The following RICTOR variants were observed in gnomAD, a reference collection of about 807,000 sequenced individuals.
RICTOR encodes the protein rapamycin-insensitive companion of mTOR.
A neutral mutation model predicts 214.9 loss-of-function variants in RICTOR; 49 were observed. The observed-to-expected ratio is 0.23, with a 90% CI of 0.18 to 0.29. The LOEUF is 0.29. Among genes scored for constraint, RICTOR ranks in the 10% least tolerant of loss-of-function variants. RICTOR has a pLI of 1.00. For synonymous variants in RICTOR, 717 were observed against 711.3 expected (o/e 1.01, Z -0.13); for missense variants, 1,625 against 2,047.0 (o/e 0.79, Z 3.98).
chr5:39,047,500 G>C (rs752848169), intron 2 of RICTOR, among the ~76,000 whole-genome samples: 10 of 152,284 alleles, frequency 6.6e-5, no homozygotes, highest in Middle Eastern at 3.4e-3. Flanking sequence ...GCACAGCCAG[G>C]GGTTTGGGGA....
chr5:38,968,330 C>T (rs1750406797), intron 11 of RICTOR, among the ~76,000 whole-genome samples: 1 of 151,930 alleles, frequency 6.6e-6, no homozygotes, highest in South Asian at 2.1e-4. Context: ...ACTGCACTGC[C>T]AGTTGTTTAA....
intron 1 of RICTOR, 31 bp downstream of exon 1, chr5:39,074,298 C>A (rs375259913): frequency 1.7e-4 from 255 of 1,534,834 alleles, no homozygotes; most frequent in Non-Finnish European, 2.1e-4. Flanking sequence ...GGGCGCCGGG[C>A]GGTGGGGAGT....
intron 36 of RICTOR, 79 bp from the exon 37 acceptor site, chr5:38,943,050 A>G (rs1032169440): frequency 9.7e-7 from 1 of 1,032,336 alleles, no homozygotes; most frequent in African/African-American, 1.6e-5. Context: ...ACTTACTTTA[A>G]AAATAGATTT....
intron 11 of RICTOR, 98 bp from the exon 12 acceptor site, chr5:38,968,128 C>G: frequency 1.4e-6 from 1 of 696,058 alleles, no homozygotes; most frequent in African/African-American, 1.8e-5. Context: ...AAAAACAGAA[C>G]TATTAATACA....
At chr5:39,066,543 C>T (rs1244085798) in intron 2 of RICTOR, among the ~76,000 whole-genome samples, 1 of 152,222 alleles carries the variant, frequency 6.6e-6, no homozygotes, top group Non-Finnish European at 1.5e-5. Context: ...GAATTCCTCC[C>T]CTGAAAAAGC....
At chr5:39,051,879 T>A (rs1247005127) in intron 2 of RICTOR, among the ~76,000 whole-genome samples, 2 of 152,246 alleles carry the variant, frequency 1.3e-5, no homozygotes, top group Non-Finnish European at 2.9e-5. Context: ...AGCTTAAAAT[T>A]AATACATAGT....
At chr5:38,966,570 T>C in intron 15 of RICTOR, 71 bp downstream of exon 15, 2 of 786,244 alleles carry the variant, frequency 2.5e-6, no homozygotes, top group East Asian at 2.6e-5. Flanking sequence ...AGCAACACTA[T>C]TAAAATAACT....
intron 7 of RICTOR, among the ~76,000 whole-genome samples, chr5:38,986,459 GAATTTAGACAATTCCTATACTAAATTT>G (rs1752179807): frequency 6.6e-6 from 1 of 152,074 alleles, no homozygotes; most frequent in Non-Finnish European, 1.5e-5. Context: ...AATATTACTG[GAATTTAGACAATTCCTATACTAAATTT>G]AATGATGAAG....
chr5:38,972,407 G>C (rs1465986260), intron 10 of RICTOR, among the ~76,000 whole-genome samples: 3 of 152,078 alleles, frequency 2.0e-5, no homozygotes, highest in Non-Finnish European at 4.4e-5. Flanking sequence ...TAAATTATAT[G>C]ATTCAAAATT....
chr5:38,946,457 C>T lies in RICTOR; in HGVS notation c.4399+11G>A. The T allele has an allele frequency of 5.2e-6, 8 of 1,537,808 alleles. No homozygotes were observed. The highest frequency in any genetic ancestry group is 7.2e-6 in the Non-Finnish European group (8 of 1,110,576). ...AGAGGCATCTCACAAGTACAATGCACAATGCATTACCTCCTGCATCATGGG... is the reference window on the plus strand; with the variant it reads ...AGAGGCATCTCACAAGTACAATGCATAATGCATTACCTCCTGCATCATGGG... On this transcript the variant is annotated intron_variant, in intron 33 of 37. Transcript: ENST00000357387.
At chr5:39,040,401 G>T (rs1757079187) in intron 2 of RICTOR, among the ~76,000 whole-genome samples, 1 of 151,840 alleles carries the variant, frequency 6.6e-6, no homozygotes, top group South Asian at 2.1e-4. Flanking sequence ...CACCAAGATG[G>T]CACATGTGTA....
At chr5:38,983,142 T>C (rs1026268476) in intron 7 of RICTOR, among the ~76,000 whole-genome samples, 13 of 152,200 alleles carry the variant, frequency 8.5e-5, no homozygotes, top group Admixed American at 7.2e-4. Flanking sequence ...ACTGTTCTCA[T>C]TTCTACCCTT....
chr5:39,043,743 C>T (rs1456174779), intron 2 of RICTOR, among the ~76,000 whole-genome samples: 1 of 152,074 alleles, frequency 6.6e-6, no homozygotes, highest in East Asian at 1.9e-4. Flanking sequence ...GAAGAGGTGA[C>T]TGGATCATGA....
rs1287273563 is a variant in RICTOR at position 38,940,163 on chromosome 5, A to G, written c.*2141T>C. ...AAAAACAAAAAAAAAAACACAAAAC[A>G]TTCAGGCCAATACTAACTAAGCCTT... On this transcript the variant is annotated 3_prime_UTR_variant, in exon 38 of 38. Transcript: ENST00000357387. 1 of 227,752 alleles carries G rather than the reference A, an allele frequency of 4.4e-6. No individual in the cohort carries two copies. The allele number at this position is 227,752 out of a possible 1,614,324, so 14.1% of individuals were successfully genotyped here. A position where few individuals can be genotyped will look rare whatever the true frequency, so the allele number is the denominator to read the frequency against.
At chr5:39,047,596 T>C (rs528641833) in intron 2 of RICTOR, among the ~76,000 whole-genome samples, 2 of 152,356 alleles carry the variant, frequency 1.3e-5, no homozygotes, top group South Asian at 2.1e-4. Flanking sequence ...ATTAGTGTTT[T>C]GTACAACATT....
intron 3 of RICTOR, among the ~76,000 whole-genome samples, chr5:39,012,139 C>T (rs1276214597): frequency 1.3e-5 from 2 of 152,128 alleles, no homozygotes; most frequent in African/African-American, 2.4e-5. Flanking sequence ...ATGCTGTTCT[C>T]GTGATAGCGA....
At chr5:39,032,121 C>A (rs1756320169) in intron 2 of RICTOR, among the ~76,000 whole-genome samples, 1 of 152,116 alleles carries the variant, frequency 6.6e-6, no homozygotes, top group African/African-American at 2.4e-5. Context: ...CAGAGGAAGT[C>A]AAAATTTGCC....
chr5:38,945,406 GAAT>G (rs1748078030), intron 34 of RICTOR, 82 bp downstream of exon 34: 1 of 895,398 alleles, frequency 1.1e-6, no homozygotes, highest in African/African-American at 1.7e-5. Flanking sequence ...CTCTGAATTA[GAAT>G]ACCAAAAAGA....
intron 7 of RICTOR, among the ~76,000 whole-genome samples, chr5:38,986,951 T>C (rs1318017391): frequency 2.0e-5 from 3 of 152,160 alleles, no homozygotes; most frequent in Non-Finnish European, 4.4e-5. Flanking sequence ...AATATTTTAC[T>C]GAAGGCCTTT....
Sources: gnomAD v4.1 joint callset for allele counts (sites outside exome capture counted in the v4.1 genomes callset) on GRCh38, gnomAD v4.1.1 for gene constraint, MANE v1.5 for transcripts, NCBI Gene and HGNC (gene_info 2026-07-23, HGNC 2026-07-21) for gene names.